NCDN: variants seen among roughly 807,000 people sequenced by gnomAD.
The protein encoded by NCDN is neurochondrin.
In NCDN, 9 loss-of-function variants were observed where a neutral mutation model predicts 60.7. That is an observed-to-expected ratio of 0.15 (90% CI 0.09 to 0.26). NCDN has a LOEUF of 0.26. Among genes scored for constraint, NCDN ranks in the 10% least tolerant of loss-of-function variants. The probability of loss-of-function intolerance (pLI) is 1.00; values close to 1 mark genes in which losing one functional copy is unlikely to be tolerated. For synonymous variants in NCDN, 409 were observed against 442.5 expected (o/e 0.92, Z 0.95); for missense variants, 578 against 975.2 (o/e 0.59, Z 5.42).
rs778101207 is a variant in NCDN, at chr1:35,561,331, G to A, written c.1143+37G>A. 5 of 1,537,032 alleles carry A rather than the reference G, an allele frequency of 3.3e-6. No homozygotes were observed. The Admixed American group carries it at 7.6e-5, about 23-fold the overall frequency. On this transcript the variant is annotated intron_variant, in intron 3 of 6. Coordinates refer to ENST00000373243, the MANE Select transcript of NCDN (RefSeq NM_014284.3). This position sits in a 1 kb window ranked among gnomAD's most constrained non-coding sequence, Gnocchi z 4.9. ...GTGACCCACAGAGGGGGCCCAGTAT[G>A]GGGGGAGCCAGTGCTGGAGCTGGGA...
chr1:35,559,149 C>T lies in NCDN; in HGVS notation c.76C>T (p.Leu26=), dbSNP rs1228216238. 1.1e-5 allele frequency: 17 copies of T among 1,613,872 alleles called. No homozygotes were observed. Among genetic ancestry groups the T allele is most frequent in the Non-Finnish European group, 1.4e-5 (17 of 1,179,962 alleles). Residue 26 remains leucine, a synonymous_variant, in exon 2 of 7, where the codon CTG becomes TTG. Coordinates refer to ENST00000373243, the MANE Select transcript of NCDN (RefSeq NM_014284.3). ...SIMASDCEPA[L]NQAEGRNPTL... Reference sequence around the variant, plus strand: ...CATGGCCTCGGATTGCGAGCCAGCTCTGAACCAGGCAGAGGGCCGAAACCC... The same window carrying T: ...CATGGCCTCGGATTGCGAGCCAGCTTTGAACCAGGCAGAGGGCCGAAACCC...
In NCDN at chr1:35,563,679, C is replaced by T. The variant is rs1234406497; in HGVS notation, c.1611-88C>T. On this transcript the variant is annotated intron_variant, in intron 5 of 6. Coordinates refer to ENST00000373243, the MANE Select transcript of NCDN (RefSeq NM_014284.3). This position sits in a 1 kb window ranked among gnomAD's most constrained non-coding sequence, Gnocchi z 6.6. ...GCTATGTTTGGGGCCCAAAGTTAATCACCCTACTGCCTAATTTCTTGCCAA... is the reference window on the plus strand; with the variant it reads ...GCTATGTTTGGGGCCCAAAGTTAATTACCCTACTGCCTAATTTCTTGCCAA... The T allele has an allele frequency of 2.3e-5, 34 of 1,499,776 alleles. 1 individual carries two copies. In the Middle Eastern group the frequency reaches 1.2e-3, roughly 54 times the overall value. 92.9% of individuals were successfully genotyped at this position (1,499,776 alleles called of 1,614,324 possible).
rs893530271 is a variant in NCDN, at chr1:35,561,789, C to A, written c.1143+495C>A. 6.6e-6 allele frequency among the ~76,000 whole-genome samples: 1 copy of A among 152,190 alleles called. No individual in the cohort carries two copies. Among genetic ancestry groups the A allele is most frequent in the African/African-American group, 2.4e-5 (1 of 41,436 alleles). Reference sequence around the variant, plus strand: ...GCCTCCCCTACATCCCCTCCTGCCTCCCCGCCTGAGAGGCCAGCTGTCCTG... The same window carrying A: ...GCCTCCCCTACATCCCCTCCTGCCTACCCGCCTGAGAGGCCAGCTGTCCTG... On this transcript the variant is annotated intron_variant, in intron 3 of 6. Transcript: ENST00000373243. The surrounding 1 kb of genome is among the most constrained non-coding windows in gnomAD (Gnocchi z 4.9).
rs768250891 is a variant in NCDN at position 35,562,536 on chromosome 1, G to A, written c.1288G>A (p.Glu430Lys). 3.1e-6 allele frequency: 5 copies of A among 1,613,958 alleles called. No homozygotes were observed. Among genetic ancestry groups the A allele is most frequent in the East Asian group, 2.2e-5 (1 of 44,880 alleles). ...FLVRYAKTLYEEAEEANDLSQ... is the reference protein window; with the variant it reads ...FLVRYAKTLYKEAEEANDLSQ... ...CGTCCGCTATGCCAAGACCCTCTAC[G>A]AGGAGGCCGAGGAGGCCAATGACCT... Residue 430 changes from glutamate (E) to lysine (K), a missense_variant, in exon 4 of 7, where the codon GAG becomes AAG. Coordinates refer to ENST00000373243, the MANE Select transcript of NCDN (RefSeq NM_014284.3). The surrounding 1 kb of genome is among the most constrained non-coding windows in gnomAD (Gnocchi z 6.8).
At position 35,565,083 on chromosome 1, in the gene NCDN, A is replaced by G. The variant is rs1648827849; in HGVS notation, c.1754-144A>G. ...AATTACCCAAGGTCACACAGTGAGC[A>G]TCTAAGGCAGGGTTTCAACGCAGGC... On this transcript the variant is annotated intron_variant, in intron 6 of 6. Transcript: ENST00000373243. This position sits in a 1 kb window ranked among gnomAD's most constrained non-coding sequence, Gnocchi z 8.9. 1.3e-6 allele frequency: 1 copy of G among 787,300 alleles called. No individual in the cohort carries two copies. Among genetic ancestry groups the G allele is most frequent in the African/African-American group, 1.7e-5 (1 of 57,936 alleles). The allele number at this position is 787,300 out of a possible 1,614,324, so 48.8% of individuals were successfully genotyped here.
chr1:35,560,689 G>T lies in NCDN; in HGVS notation c.538G>T (p.Ala180Ser), dbSNP rs1648667804. The T allele has an allele frequency of 1.2e-6, 2 of 1,612,794 alleles. No homozygotes were observed. Among genetic ancestry groups the T allele is most frequent in the Non-Finnish European group, 1.7e-6 (2 of 1,180,048 alleles). ...CCTCATTGCTGGTGGCACCGTGTCTGCCCTATGCCAGGCATACCTGGGGCA... is the reference window on the plus strand; with the variant it reads ...CCTCATTGCTGGTGGCACCGTGTCTTCCCTATGCCAGGCATACCTGGGGCA... ...RHLIAGGTVSALCQAYLGHGY... is the reference protein window; with the variant it reads ...RHLIAGGTVSSLCQAYLGHGY... The change falls in exon 3 of 7, where the codon GCC becomes TCC. Residue 180 changes from alanine (A) to serine (S), a missense_variant. Transcript: ENST00000373243. This position sits in a 1 kb window ranked among gnomAD's most constrained non-coding sequence, Gnocchi z 7.6.
chr1:35,561,095 G>A lies in NCDN; in HGVS notation c.944G>A (p.Cys315Tyr). The A allele has an allele frequency of 1.2e-6, 2 of 1,613,876 alleles. No homozygotes were observed. The highest frequency in any genetic ancestry group is 1.7e-6 in the Non-Finnish European group (2 of 1,179,948). Residue 315 changes from cysteine to tyrosine, a missense_variant, in exon 3 of 7, where the codon TGC (cysteine) becomes TAC (tyrosine). Cys to Tyr is a radical substitution (Grantham distance 194). Transcript: ENST00000373243. The surrounding 1 kb of genome is among the most constrained non-coding windows in gnomAD (Gnocchi z 4.9). ...KFLALLVNLA[C>Y]VEVRLALEET... ...CTGGCCCTGCTGGTGAATCTGGCGT[G>A]CGTGGAAGTGCGGCTGGCACTGGAG...
At chr1:35,559,515 T>C (rs944778024) in intron 2 of NCDN, among the ~76,000 whole-genome samples, 6 of 151,856 alleles carry the variant, frequency 4.0e-5, no homozygotes, top group African/African-American at 7.3e-5. Context: ...AGCTGACTCA[T>C]AGGGTAACAG....
rs1648425971 is a variant in NCDN at position 35,558,070 on chromosome 1, TA to T, written c.-119del. On this transcript the variant is annotated 5_prime_UTR_variant, in exon 1 of 7. It introduces an in-frame stop codon into an upstream open reading frame of the 5' UTR. Transcript: ENST00000373243. The surrounding 1 kb of genome is among the most constrained non-coding windows in gnomAD (Gnocchi z 6.3). The stretch of plus-strand genomic sequence containing the variant: ...TTTCAATATATATCTTTTTTTTTTT[TA>T]ATTTGCCCTGTCATCTTTGGGGGCT... The T allele has an allele frequency of 5.9e-6, 8 of 1,351,748 alleles. No individual in the cohort carries two copies. The African/African-American group carries it at 6.0e-5, about 10-fold the overall frequency. The allele number at this position is 1,351,748 out of a possible 1,614,324, so 83.7% of individuals were successfully genotyped here.
At chr1:35,559,299 C>G in intron 2 of NCDN, 52 bp downstream of exon 2, 1 of 1,611,104 alleles carries the variant, frequency 6.2e-7, no homozygotes, top group African/African-American at 1.3e-5. Context: ...TGGTTGGGCC[C>G]CCAAGGAATG....
At position 35,566,581 on chromosome 1, in the gene NCDN, C is replaced by T. The variant is rs768926702; in HGVS notation, c.*918C>T. 8.4e-6 allele frequency: 3 copies of T among 355,374 alleles called. No individual in the cohort carries two copies. Among genetic ancestry groups the T allele is most frequent in the South Asian group, 2.1e-5 (1 of 48,104 alleles). The allele number at this position is 355,374 out of a possible 1,614,324, so 22.0% of individuals were successfully genotyped here. Reference sequence around the variant, plus strand: ...GCTATGACTCCTCTCTGCAGAGACGCGACTGGCGGCTCCAGCAGGGACTAC... The same window carrying T: ...GCTATGACTCCTCTCTGCAGAGACGTGACTGGCGGCTCCAGCAGGGACTAC... On this transcript the variant is annotated 3_prime_UTR_variant, in exon 7 of 7. Transcript: ENST00000373243. This position sits in a 1 kb window ranked among gnomAD's most constrained non-coding sequence, Gnocchi z 5.3.
chr1:35,558,057 T>A lies in NCDN; in HGVS notation c.-134T>A. On this transcript the variant is annotated 5_prime_UTR_variant, in exon 1 of 7. Coordinates refer to ENST00000373243, the MANE Select transcript of NCDN (RefSeq NM_014284.3). The surrounding 1 kb of genome is among the most constrained non-coding windows in gnomAD (Gnocchi z 6.3). ...TTGTCACAGCCCTTTTCAATATATATCTTTTTTTTTTTTAATTTGCCCTGT... is the reference window on the plus strand; with the variant it reads ...TTGTCACAGCCCTTTTCAATATATAACTTTTTTTTTTTTAATTTGCCCTGT... 7.8e-7 allele frequency: 1 copy of A among 1,274,410 alleles called. No individual in the cohort carries two copies. Among genetic ancestry groups the A allele is most frequent in the Non-Finnish European group, 1.1e-6 (1 of 913,034 alleles). The allele number at this position is 1,274,410 out of a possible 1,614,324, so 78.9% of individuals were successfully genotyped here. A position where few individuals can be genotyped will look rare whatever the true frequency, so the allele number is the denominator to read the frequency against.
Position 35,560,641 on chromosome 1 carries a change from G to A in NCDN, c.490G>A (p.Gly164Ser), listed in dbSNP as rs1376202214. The stretch of plus-strand genomic sequence containing the variant: ...CTACCAGTGCCTGACGGCTGTAGCA[G>A]GCACACCCAGAGGGCCTCGGCACCT... ...DTYQCLTAVA[G>S]TPRGPRHLIA... Residue 164 changes from glycine to serine, a missense_variant, in exon 3 of 7, where the codon GGC becomes AGC. Gly to Ser is a moderately conservative substitution (Grantham distance 56). This residue lies in a region of NCDN where 363 missense variants were observed against 583.6 expected (regional missense o/e 0.62). Coordinates refer to ENST00000373243, the MANE Select transcript of NCDN (RefSeq NM_014284.3). This position sits in a 1 kb window ranked among gnomAD's most constrained non-coding sequence, Gnocchi z 7.6. 1.5e-5 allele frequency: 24 copies of A among 1,613,422 alleles called. No individual in the cohort carries two copies. The highest frequency in any genetic ancestry group is 1.6e-4 in the Middle Eastern group (1 of 6,084).
rs1417503249 is a variant in NCDN at position 35,560,652 on chromosome 1, A to G, written c.501A>G (p.Arg167=). The part of the protein sequence containing the change: ...QCLTAVAGTP[R]GPRHLIAGGT... Reference sequence around the variant, plus strand: ...TGACGGCTGTAGCAGGCACACCCAGAGGGCCTCGGCACCTCATTGCTGGTG... The same window carrying G: ...TGACGGCTGTAGCAGGCACACCCAGGGGGCCTCGGCACCTCATTGCTGGTG... Residue 167 remains arginine, a synonymous_variant, in exon 3 of 7, where the codon AGA becomes AGG. Coordinates refer to ENST00000373243, the MANE Select transcript of NCDN (RefSeq NM_014284.3). The surrounding 1 kb of genome is among the most constrained non-coding windows in gnomAD (Gnocchi z 7.6). The G allele has an allele frequency of 6.2e-7, 1 of 1,613,302 alleles. No homozygotes were observed. The highest frequency in any genetic ancestry group is 8.5e-7 in the Non-Finnish European group (1 of 1,180,060).
rs753316449 is a variant in NCDN, at chr1:35,561,589, T to G, written c.1143+295T>G. ...AACGCTCCCCCCAATACACACACAC[T>G]ACACGCCACACACCTCTCCCCAACA... On this transcript the variant is annotated intron_variant, in intron 3 of 6. Transcript: ENST00000373243. The surrounding 1 kb of genome is among the most constrained non-coding windows in gnomAD (Gnocchi z 4.9). Among the ~76,000 whole-genome samples, 1 of 151,786 alleles carries G rather than the reference T, an allele frequency of 6.6e-6. No homozygotes were observed. The highest frequency in any genetic ancestry group is 1.5e-5 in the Non-Finnish European group (1 of 67,928).
Position 35,558,296 on chromosome 1 carries a change from T to G in NCDN, c.33+73T>G. Reference sequence around the variant, plus strand: ...GCAGCCCTGCTTCGATTATCCGGCTTTTGGATTCTCCGTTGTCCTGGGAAC... The same window carrying G: ...GCAGCCCTGCTTCGATTATCCGGCTGTTGGATTCTCCGTTGTCCTGGGAAC... On this transcript the variant is annotated intron_variant, in intron 1 of 6. Coordinates refer to ENST00000373243, the MANE Select transcript of NCDN (RefSeq NM_014284.3). The surrounding 1 kb of genome is among the most constrained non-coding windows in gnomAD (Gnocchi z 6.3). 1 of 1,604,644 alleles carries G rather than the reference T, an allele frequency of 6.2e-7. No individual in the cohort carries two copies. The highest frequency in any genetic ancestry group is 1.1e-5 in the South Asian group (1 of 90,604).
At position 35,563,565 on chromosome 1, in the gene NCDN, A is replaced by C; in HGVS notation, c.1610+139A>C. 1.8e-6 allele frequency: 2 copies of C among 1,082,826 alleles called. No individual in the cohort carries two copies. The highest frequency in any genetic ancestry group is 4.4e-5 in the Admixed American group (2 of 44,974). The allele number at this position is 1,082,826 out of a possible 1,614,324, so 67.1% of individuals were successfully genotyped here. On this transcript the variant is annotated intron_variant, in intron 5 of 6. Transcript: ENST00000373243. The surrounding 1 kb of genome is among the most constrained non-coding windows in gnomAD (Gnocchi z 6.6). ...GTAGCATGGGGGTCTCAGAGTAGAC[A>C]TAGCCAGCCCCGCACAAGGATTCGG... is the stretch of plus-strand genomic sequence containing the variant.
rs1224064898 is a variant in NCDN at position 35,562,288 on chromosome 1, G to A, written c.1144-104G>A. 7 of 1,511,814 alleles carry A rather than the reference G, an allele frequency of 4.6e-6. No homozygotes were observed. Among genetic ancestry groups the A allele is most frequent in the African/African-American group, 2.8e-5 (2 of 72,132 alleles). The allele number at this position is 1,511,814 out of a possible 1,614,324, so 93.6% of individuals were successfully genotyped here. A position where few individuals can be genotyped will look rare whatever the true frequency, so the allele number is the denominator to read the frequency against. On this transcript the variant is annotated intron_variant, in intron 3 of 6. Coordinates refer to ENST00000373243, the MANE Select transcript of NCDN (RefSeq NM_014284.3). The surrounding 1 kb of genome is among the most constrained non-coding windows in gnomAD (Gnocchi z 6.8). ...GGGCCTGCCTTTGAAAGGCTCACAG[G>A]CCAGAATTTCCTTCTAGTTGTATTA...
rs1266674441 is a variant in NCDN, at chr1:35,561,873, C to G, written c.1144-519C>G. On this transcript the variant is annotated intron_variant, in intron 3 of 6. Coordinates refer to ENST00000373243, the MANE Select transcript of NCDN (RefSeq NM_014284.3). The surrounding 1 kb of genome is among the most constrained non-coding windows in gnomAD (Gnocchi z 4.9). ...TTAATGGCCTGCTCCAGCCACCGAG[C>G]TCACCAGCCATATATTCCATGCACC... Among the ~76,000 whole-genome samples the G allele has an allele frequency of 4.6e-5, 7 of 152,096 alleles. No homozygotes were observed. Among genetic ancestry groups the G allele is most frequent in the Non-Finnish European group, 1.0e-4 (7 of 68,018 alleles).
Sources: allele counts gnomAD v4.1 joint callset (sites outside exome capture counted in the v4.1 genomes callset), GRCh38; gene constraint gnomAD v4.1.1; regional missense constraint gnomAD v4.1.1; non-coding constraint Gnocchi (gnomAD v3.1); transcripts MANE v1.5; gene names NCBI Gene and HGNC (gene_info 2026-07-23, HGNC 2026-07-21).